INSR: variants seen among roughly 807,000 people sequenced by gnomAD.
INSR encodes insulin receptor.
INSR carries 67 observed loss-of-function variants against 142.6 expected under a neutral mutation model. That is an observed-to-expected ratio of 0.47 (90% CI 0.39 to 0.58). INSR has a LOEUF of 0.58. Ranked by LOEUF, INSR falls within the 20% of genes least tolerant of loss-of-function variation. The probability of loss-of-function intolerance (pLI) is 0.00; values close to 1 mark genes in which losing one functional copy is unlikely to be tolerated. For missense variants in INSR, 1,248 were observed against 1,833.2 expected (o/e 0.68, Z 5.83); for synonymous variants, 756 against 743.1 (o/e 1.02, Z -0.28).
intron 10 of INSR, among the ~76,000 whole-genome samples, chr19:7,151,178 TTCTTTCTTTCTTTCTTTC>T (rs1973342821): frequency 8.1e-5 from 1 of 12,290 alleles, no homozygotes; most frequent in African/African-American, 1.2e-4. Flanking sequence ...CTTTCTTTCT[TTCTTTCTTTCTTTCTTTC>T]TTTCTTTCTT....
At chr19:7,160,007 G>C (rs1346898355) in intron 9 of INSR, among the ~76,000 whole-genome samples, 2 of 152,080 alleles carry the variant, frequency 1.3e-5, no homozygotes, top group Non-Finnish European at 2.9e-5. Flanking sequence ...CAAAACTAAA[G>C]AAGGAAATGG....
rs758091489 is a variant in INSR, at chr19:7,248,485, C to CAAA, written c.652+18857_652+18859dup. 6.2e-3 allele frequency among the ~76,000 whole-genome samples: 218 copies of CAAA among 35,154 alleles called. 12 individuals carry two copies. The highest frequency in any genetic ancestry group is 0.021 in the African/African-American group (142 of 6,890). The allele number at this position is 35,154 out of a possible 152,430, so 23.1% of individuals were successfully genotyped here. On this transcript the variant is annotated intron_variant, in intron 2 of 21. Transcript: ENST00000302850. ...TGGGCGACAGAGGGAGACCCCATCT[C>CAAA]AAAAAAAAAAAAAAAAAAAAAAAGC...
intron 20 of INSR, 36 bp downstream of exon 20, chr19:7,120,584 G>A (rs1266971673): frequency 5.6e-6 from 9 of 1,612,910 alleles, no homozygotes; most frequent in African/African-American, 1.3e-5. Flanking sequence ...TGGAATTCAA[G>A]CCCAGCGTCC....
intron 1 of INSR, among the ~76,000 whole-genome samples, chr19:7,282,635 T>A (rs1968234336): frequency 1.3e-5 from 2 of 151,124 alleles, no homozygotes; most frequent in South Asian, 4.2e-4. Flanking sequence ...TGAGCTGAGA[T>A]CGTGACACTG....
Position 7,294,068 on chromosome 19 carries a change from G to A in INSR, c.-177C>T, listed in dbSNP as rs927464773. 2.1e-5 allele frequency: 11 copies of A among 531,854 alleles called. No homozygotes were observed. The highest frequency in any genetic ancestry group is 2.8e-5 in the Non-Finnish European group (11 of 392,094). The allele number at this position is 531,854 out of a possible 1,614,324, so 32.9% of individuals were successfully genotyped here. On this transcript the variant is annotated 5_prime_UTR_variant, in exon 1 of 22. Transcript: ENST00000302850. The stretch of plus-strand genomic sequence containing the variant: ...AGGGCCCAGAGGCAGCCCCGGGAAG[G>A]GCGCGCGCGGCTTCGCCAGCTACAA...
intron 11 of INSR, among the ~76,000 whole-genome samples, chr19:7,147,147 GC>G (rs1407253191): frequency 6.6e-6 from 1 of 151,608 alleles, no homozygotes; most frequent in Non-Finnish European, 1.5e-5. Context: ...TTCTGCTTTG[GC>G]CCGATAGATA....
rs572103546 is a variant in INSR at position 7,186,667 on chromosome 19, C to T, written c.653-2030G>A. On this transcript the variant is annotated intron_variant, in intron 2 of 21. Transcript: ENST00000302850. ...TCACACTCATCCTCCTCCCCAACTCCTGGCACCTGCCATTTTACTTTCTTT... is the reference window on the plus strand; with the variant it reads ...TCACACTCATCCTCCTCCCCAACTCTTGGCACCTGCCATTTTACTTTCTTT... Among the ~76,000 whole-genome samples, 8 of 152,222 alleles carry T rather than the reference C, an allele frequency of 5.3e-5. No individual in the cohort carries two copies. In the South Asian group the frequency reaches 1.7e-3, roughly 32 times the overall value.
At chr19:7,236,727 G>A (rs112124332) in intron 2 of INSR, among the ~76,000 whole-genome samples, 37 of 152,256 alleles carry the variant, frequency 2.4e-4, no homozygotes, top group African/African-American at 8.4e-4. Context: ...AGGATGCAAA[G>A]TCTTAAGAAT....
chr19:7,292,770 G>A (rs961169380), intron 1 of INSR, among the ~76,000 whole-genome samples: 4 of 152,088 alleles, frequency 2.6e-5, no homozygotes, highest in African/African-American at 9.7e-5. Context: ...AACCCCAAAG[G>A]TGCCTATTGT....
At chr19:7,134,932 G>C (rs1416797748) in intron 13 of INSR, among the ~76,000 whole-genome samples, 3 of 151,124 alleles carry the variant, frequency 2.0e-5, no homozygotes, top group African/African-American at 7.3e-5. Flanking sequence ...CTTATGAGAA[G>C]AGACAGGAGG....
chr19:7,139,044 A>T (rs1454681401), intron 13 of INSR, among the ~76,000 whole-genome samples: 2 of 152,118 alleles, frequency 1.3e-5, no homozygotes, highest in East Asian at 3.9e-4. Flanking sequence ...AGCAAATGTG[A>T]TGCAAACAGA....
At chr19:7,265,914 A>G (rs985930547) in intron 2 of INSR, among the ~76,000 whole-genome samples, 1 of 152,174 alleles carries the variant, frequency 6.6e-6, no homozygotes, top group Non-Finnish European at 1.5e-5. Context: ...ACTGAACAAC[A>G]AAAACAACAA....
Position 7,125,354 on chromosome 19 carries a change from C to T in INSR, c.3187G>A (p.Ala1063Thr), listed in dbSNP as rs759020723. The T allele has an allele frequency of 1.5e-5, 25 of 1,614,114 alleles. No homozygotes were observed. The highest frequency in any genetic ancestry group is 2.1e-5 in the Non-Finnish European group (25 of 1,180,028). Residue 1063 changes from alanine to threonine, a missense_variant, in exon 17 of 22, where the codon GCC (alanine) becomes ACC (threonine). Ala to Thr is a moderately conservative substitution (Grantham distance 58, BLOSUM62 0). This residue lies in a region of INSR where 1,069 missense variants were observed against 1,654.0 expected (regional missense o/e 0.65). Transcript: ENST00000302850. The surrounding 1 kb of genome is among the most constrained non-coding windows in gnomAD (Gnocchi z 4.9). Reference sequence around the variant, plus strand: ...AACTCAATCCGCTCTCGGAGACTGGCTGACTCGTTGACCGTCTTCACCGCC... The same window carrying T: ...AACTCAATCCGCTCTCGGAGACTGGTTGACTCGTTGACCGTCTTCACCGCC... ...RVAVKTVNES[A>T]SLRERIEFLN... is the part of the protein sequence containing the mutation.
At chr19:7,231,780 T>A (rs535539178) in intron 2 of INSR, among the ~76,000 whole-genome samples, 55 of 151,510 alleles carry the variant, frequency 3.6e-4, no homozygotes, top group African/African-American at 1.3e-3. Flanking sequence ...TGTCTCTTTT[T>A]TTTTTTTTAA....
Position 7,192,249 on chromosome 19 carries a change from GAAGAAAAGAAAAGAAAAGAAAAGAA to G in INSR, c.653-7637_653-7613del, listed in dbSNP as rs146673661. Among the ~76,000 whole-genome samples, 3,581 of 117,116 alleles carry G rather than the reference GAAGAAAAGAAAAGAAAAGAAAAGAA, an allele frequency of 0.031. 98 individuals carry two copies. The highest frequency in any genetic ancestry group is 0.065 in the African/African-American group (1,950 of 30,000). 76.8% of individuals were successfully genotyped at this position (117,116 alleles called of 152,430 possible). ...AAGAGAAAGAAGGAAGGGAGGGAGG[GAAGAAAAGAAAAGAAAAGAAAAGAA>G]AAGAAAAGAAAAGAAAAGAAAAGAA... On this transcript the variant is annotated intron_variant, in intron 2 of 21. Coordinates refer to ENST00000302850, the MANE Select transcript of INSR (RefSeq NM_000208.4). The surrounding 1 kb of genome is among the most constrained non-coding windows in gnomAD (Gnocchi z 4.2).
chr19:7,210,116 G>C (rs546840957), intron 2 of INSR, among the ~76,000 whole-genome samples: 2 of 151,878 alleles, frequency 1.3e-5, no homozygotes, highest in African/African-American at 2.4e-5. Context: ...AGGCCGAGGC[G>C]GGTGGATCAC....
chr19:7,150,753 C>T lies in INSR; in HGVS notation c.2232-221G>A, dbSNP rs1312274580. ...GGAAGAAATCAGAGAAAATTCTCCC[C>T]AGAGACGGCCTGCTGAGGTGGCCCT... On this transcript the variant is annotated intron_variant, in intron 10 of 21. Transcript: ENST00000302850. The surrounding 1 kb of genome is among the most constrained non-coding windows in gnomAD (Gnocchi z 4.2). Among the ~76,000 whole-genome samples the T allele has an allele frequency of 2.0e-5, 3 of 152,206 alleles. No individual in the cohort carries two copies. Among genetic ancestry groups the T allele is most frequent in the South Asian group, 2.1e-4 (1 of 4,832 alleles).
intron 9 of INSR, among the ~76,000 whole-genome samples, chr19:7,161,431 T>G (rs58402301): frequency 0.31 from 47,357 of 151,634 alleles, 7,707 homozygotes; most frequent in South Asian, 0.47. Flanking sequence ...TTAAATTTTT[T>G]TAGAGATGGG....
intron 3 of INSR, among the ~76,000 whole-genome samples, chr19:7,178,951 C>G (rs962334557): frequency 1.3e-5 from 2 of 152,192 alleles, no homozygotes; most frequent in African/African-American, 2.4e-5. Flanking sequence ...TGCTCTGCCA[C>G]CCGGGCTGGG....
Sources: gnomAD v4.1 joint callset for allele counts (sites outside exome capture counted in the v4.1 genomes callset) on GRCh38, gnomAD v4.1.1 for gene constraint, gnomAD v4.1.1 regional missense constraint, Gnocchi (gnomAD v3.1) non-coding constraint, MANE v1.5 for transcripts, NCBI Gene and HGNC (gene_info 2026-07-23, HGNC 2026-07-21) for gene names.